The following CRMP1 variants were observed in gnomAD, a reference collection of about 807,000 sequenced individuals.
CRMP1 encodes the protein collapsin response mediator protein 1.
CRMP1 carries 19 observed loss-of-function variants against 68.3 expected under a neutral mutation model. The observed-to-expected ratio is 0.28, with a 90% CI of 0.19 to 0.41. The LOEUF (loss-of-function observed/expected upper bound fraction) is 0.41, where lower values mean the gene tolerates loss of function less well. CRMP1 is among the 10% of genes least tolerant of loss of function. The pLI is 1.00. For missense variants in CRMP1, 791 were observed against 967.4 expected, an observed-to-expected ratio of 0.82 and a Z score of 2.42; for synonymous variants, 439 against 399.6, an observed-to-expected ratio of 1.10 and a Z score of -1.18.
intron 11 of CRMP1, among the ~76,000 whole-genome samples, chr4:5,830,586 G>GTAAC (rs1560486687): frequency 6.6e-6 from 1 of 152,244 alleles, no homozygotes; most frequent in East Asian, 1.9e-4. Context: ...AATTGGATGA[G>GTAAC]TAACTATCGT....
rs1040667958 is a variant in CRMP1, at chr4:5,889,258, C to A, written c.381+3331G>T. 1.4e-4 allele frequency among the ~76,000 whole-genome samples: 21 copies of A among 152,180 alleles called. No homozygotes were observed. Among genetic ancestry groups the A allele is most frequent in the African/African-American group, 4.8e-4 (20 of 41,432 alleles). ...CTGACCTGTTCTACTCCAACAGCAG[C>A]TCCCTCATCACACAGCAGCCTGACA... On this transcript the variant is annotated intron_variant, in intron 1 of 13. Transcript: ENST00000324989. The surrounding 1 kb of genome is among the most constrained non-coding windows in gnomAD (Gnocchi z 4.5).
chr4:5,833,904 G>A (rs1720547846), intron 11 of CRMP1, among the ~76,000 whole-genome samples: 1 of 152,168 alleles, frequency 6.6e-6, no homozygotes, highest in Admixed American at 6.5e-5. Context: ...AAATTAGCCG[G>A]GCGTGGTGGC....
At chr4:5,884,780 C>T (rs907335919) in intron 1 of CRMP1, among the ~76,000 whole-genome samples, 2 of 152,060 alleles carry the variant, frequency 1.3e-5, no homozygotes, top group African/African-American at 2.4e-5. Context: ...AATACCCCGT[C>T]ATCATCATGG....
Position 5,892,851 on chromosome 4 carries a change from T to C in CRMP1, c.119A>G (p.Glu40Gly). 7.1e-7 allele frequency: 1 copy of C among 1,415,712 alleles called. No individual in the cohort carries two copies. The highest frequency in any genetic ancestry group is 2.6e-5 in the Admixed American group (1 of 39,178). The allele number at this position is 1,415,712 out of a possible 1,614,324, so 87.7% of individuals were successfully genotyped here. ...QKYGGMFAAV[E>G]GAYENKTIDF... ...GATGGTCTTGTTCTCGTAGGCGCCCTCCACCGCGGCGAACATGCCGCCGTA... is the reference window on the plus strand; with the variant it reads ...GATGGTCTTGTTCTCGTAGGCGCCCCCCACCGCGGCGAACATGCCGCCGTA... The change falls in exon 1 of 14, where the codon GAG (glutamate) becomes GGG (glycine). Residue 40 changes from glutamate (E) to glycine (G), a missense_variant. Around this residue, in one of 3 missense-constraint regions of CRMP1, gnomAD observed 193 missense variants for 186.3 expected, o/e 1.04. Coordinates refer to ENST00000324989, the MANE Select transcript of CRMP1 (RefSeq NM_001014809.3). This position sits in a 1 kb window ranked among gnomAD's most constrained non-coding sequence, Gnocchi z 8.6.
rs191288254 is a variant in CRMP1, at chr4:5,891,143, C to G, written c.381+1446G>C. Among the ~76,000 whole-genome samples, 1 of 150,590 alleles carries G rather than the reference C, an allele frequency of 6.6e-6. No homozygotes were observed. The highest frequency in any genetic ancestry group is 6.6e-5 in the Admixed American group (1 of 15,088). On this transcript the variant is annotated intron_variant, in intron 1 of 13. Coordinates refer to ENST00000324989, the MANE Select transcript of CRMP1 (RefSeq NM_001014809.3). This position sits in a 1 kb window ranked among gnomAD's most constrained non-coding sequence, Gnocchi z 5.2. ...AGGAAGCTGGACTCTCGCACCATCT[C>G]CCTTTCTGATCACCCCACCACCACA...
rs1253421159 is a variant in CRMP1 at position 5,892,007 on chromosome 4, GC to G, written c.381+581del. On this transcript the variant is annotated intron_variant, in intron 1 of 13. Coordinates refer to ENST00000324989, the MANE Select transcript of CRMP1 (RefSeq NM_001014809.3). This position sits in a 1 kb window ranked among gnomAD's most constrained non-coding sequence, Gnocchi z 8.6. ...AGGGTAGGGGTTTACGGCTCCAACT[GC>G]CCGACGAACTAAATCCTTAACCAAA... 6.6e-6 allele frequency among the ~76,000 whole-genome samples: 1 copy of G among 152,152 alleles called. No individual in the cohort carries two copies. Among genetic ancestry groups the G allele is most frequent in the Non-Finnish European group, 1.5e-5 (1 of 68,030 alleles).
chr4:5,825,831 G>C lies in CRMP1; in HGVS notation c.1804-172C>G, dbSNP rs911849394. The C allele has an allele frequency of 6.3e-6, 4 of 634,160 alleles. No homozygotes were observed. Among genetic ancestry groups the C allele is most frequent in the Non-Finnish European group, 1.1e-5 (4 of 370,264 alleles). 39.3% of individuals were successfully genotyped at this position (634,160 alleles called of 1,614,324 possible). A position where few individuals can be genotyped will look rare whatever the true frequency, so the allele number is the denominator to read the frequency against. On this transcript the variant is annotated intron_variant, in intron 12 of 13. Coordinates refer to ENST00000324989, the MANE Select transcript of CRMP1 (RefSeq NM_001014809.3). The surrounding 1 kb of genome is among the most constrained non-coding windows in gnomAD (Gnocchi z 4.4). ...AGGTGCACTTCACACACATGCAGCC[G>C]CACACAGGCATTCATACACACAAGC...
chr4:5,882,189 T>C (rs541379921), intron 1 of CRMP1, among the ~76,000 whole-genome samples: 6 of 152,344 alleles, frequency 3.9e-5, no homozygotes, highest in East Asian at 1.9e-4. Flanking sequence ...ATCATACAAC[T>C]TGCTTTGGCC....
chr4:5,886,615 G>T (rs1227411952), intron 1 of CRMP1, among the ~76,000 whole-genome samples: 2 of 152,194 alleles, frequency 1.3e-5, no homozygotes, highest in Non-Finnish European at 2.9e-5. Context: ...TTTCCACCTT[G>T]GAGACTGGGG....
intron 2 of CRMP1, among the ~76,000 whole-genome samples, chr4:5,863,181 G>A (rs1163728749): frequency 6.7e-6 from 1 of 148,732 alleles, no homozygotes; most frequent in East Asian, 2.0e-4. Context: ...GTCCTAAGAT[G>A]CTTGATGTTC....
In CRMP1 at chr4:5,861,294, T is replaced by A; in HGVS notation, c.471-84A>T. The A allele has an allele frequency of 1.4e-6, 2 of 1,398,150 alleles. No individual in the cohort carries two copies. Among genetic ancestry groups the A allele is most frequent in the Non-Finnish European group, 2.0e-6 (2 of 1,017,284 alleles). 86.6% of individuals were successfully genotyped at this position (1,398,150 alleles called of 1,614,324 possible). ...AACCCGCAGCTTCAGTTCCATGAAA[T>A]AAACATTTCTGAGCCAGGCCCTTCA... On this transcript the variant is annotated intron_variant, in intron 2 of 13. Coordinates refer to ENST00000324989, the MANE Select transcript of CRMP1 (RefSeq NM_001014809.3). The surrounding 1 kb of genome is among the most constrained non-coding windows in gnomAD (Gnocchi z 6.0).
intron 6 of CRMP1, among the ~76,000 whole-genome samples, chr4:5,845,403 C>G (rs924182043): frequency 2.0e-5 from 3 of 152,248 alleles, no homozygotes; most frequent in Admixed American, 2.0e-4. Context: ...TGCCCATGTG[C>G]AAGGAACCGA....
At chr4:5,829,936 C>T (rs1200853434) in intron 11 of CRMP1, among the ~76,000 whole-genome samples, 1 of 152,124 alleles carries the variant, frequency 6.6e-6, no homozygotes, top group African/African-American at 2.4e-5. Context: ...GACAGATTTG[C>T]CCTCCAAAAA....
rs755195771 is a variant in CRMP1 at position 5,870,390 on chromosome 4, C to G, written c.382-3634G>C. On this transcript the variant is annotated intron_variant, in intron 1 of 13. Transcript: ENST00000324989. This position sits in a 1 kb window ranked among gnomAD's most constrained non-coding sequence, Gnocchi z 6.0. ...ATCACAGCTTTGGTGTGTTACCCCA[C>G]TGGCAGTGCAGGACACAACTCCCCA... 1.9e-4 allele frequency among the ~76,000 whole-genome samples: 29 copies of G among 152,258 alleles called. No homozygotes were observed. Among genetic ancestry groups the G allele is most frequent in the Non-Finnish European group, 3.5e-4 (24 of 68,050 alleles).
intron 5 of CRMP1, among the ~76,000 whole-genome samples, 196 bp from the exon 6 acceptor site, chr4:5,849,668 G>A (rs1712477196): frequency 6.6e-6 from 1 of 152,180 alleles, no homozygotes; most frequent in East Asian, 1.9e-4. Context: ...CTGACATCTT[G>A]CAGACCCAAA....
chr4:5,887,813 T>G, intron 1 of CRMP1: 2 of 993,280 alleles, frequency 2.0e-6, no homozygotes, highest in South Asian at 4.7e-5. Flanking sequence ...GTGGGGTGCA[T>G]GGGCCGGACG....
In CRMP1 at chr4:5,866,885, G is replaced by A; in HGVS notation, c.382-129C>T. 1.7e-6 allele frequency: 1 copy of A among 592,190 alleles called. No homozygotes were observed. Among genetic ancestry groups the A allele is most frequent in the Non-Finnish European group, 2.9e-6 (1 of 341,176 alleles). 36.7% of individuals were successfully genotyped at this position (592,190 alleles called of 1,614,324 possible). A position where few individuals can be genotyped will look rare whatever the true frequency, so the allele number is the denominator to read the frequency against. ...AAGGCATTTAACTTCCCCCGCCCCA[G>A]ATCCATCACCAGCTTCAATACTTCT... On this transcript the variant is annotated intron_variant, in intron 1 of 13. Transcript: ENST00000324989. The surrounding 1 kb of genome is among the most constrained non-coding windows in gnomAD (Gnocchi z 5.9).
Position 5,821,712 on chromosome 4 carries a change from G to C in CRMP1, c.*48C>G, listed in dbSNP as rs1718589555. The C allele has an allele frequency of 6.6e-7, 1 of 1,518,610 alleles. No homozygotes were observed. The highest frequency in any genetic ancestry group is 1.4e-5 in the African/African-American group (1 of 73,468). 94.1% of individuals were successfully genotyped at this position (1,518,610 alleles called of 1,614,324 possible). A position where few individuals can be genotyped will look rare whatever the true frequency, so the allele number is the denominator to read the frequency against. On this transcript the variant is annotated 3_prime_UTR_variant, in exon 14 of 14. Transcript: ENST00000324989. The surrounding 1 kb of genome is among the most constrained non-coding windows in gnomAD (Gnocchi z 4.4). ...AAAAACACTGACAGGAAAAGGGATGGACATGATTCCCAGAATCCTTCAGGC... is the reference window on the plus strand; with the variant it reads ...AAAAACACTGACAGGAAAAGGGATGCACATGATTCCCAGAATCCTTCAGGC...
chr4:5,862,060 T>C (rs1169388055), intron 2 of CRMP1, among the ~76,000 whole-genome samples: 1 of 152,146 alleles, frequency 6.6e-6, no homozygotes, highest in African/African-American at 2.4e-5. Context: ...AGGTCCCAGC[T>C]GGGGCTCCCC....
Sources: gnomAD v4.1 joint callset for allele counts (sites outside exome capture counted in the v4.1 genomes callset) on GRCh38, gnomAD v4.1.1 for gene constraint, gnomAD v4.1.1 regional missense constraint, Gnocchi (gnomAD v3.1) non-coding constraint, MANE v1.5 for transcripts, NCBI Gene and HGNC (gene_info 2026-07-23, HGNC 2026-07-21) for gene names.